Variants in DLG2 observed in about 807,000 individuals in gnomAD.
DLG2 encodes discs large MAGUK scaffold protein 2, also known as disks large homolog 2.
A neutral mutation model predicts 132.5 loss-of-function variants in DLG2; 45 were observed. That is an observed-to-expected ratio of 0.34 (90% CI 0.27 to 0.44). DLG2 has a LOEUF of 0.44. Ranked by LOEUF, DLG2 falls within the 20% of genes least tolerant of loss-of-function variation. DLG2 has a pLI of 1.00. For synonymous variants in DLG2, 424 were observed against 419.6 expected (o/e 1.01, Z -0.13); for missense variants, 1,045 against 1,196.9 (o/e 0.87, Z 1.87).
At chr11:84,894,687 T>C (rs987796790) in intron 6 of DLG2, among the ~76,000 whole-genome samples, 4 of 152,108 alleles carry the variant, frequency 2.6e-5, no homozygotes, top group African/African-American at 9.7e-5. Flanking sequence ...GGAGGCATTG[T>C]TGGGAGTTAG....
intron 11 of DLG2, among the ~76,000 whole-genome samples, chr11:84,017,993 T>C (rs1566058208): frequency 1.3e-5 from 2 of 152,002 alleles, no homozygotes; most frequent in Non-Finnish European, 2.9e-5. Flanking sequence ...TCATTGGTTT[T>C]CTGCAGTGTC....
intron 14 of DLG2, among the ~76,000 whole-genome samples, chr11:83,948,614 G>GA (rs3040355): frequency 0.068 from 10,032 of 148,166 alleles, 447 homozygotes; most frequent in East Asian, 0.15. Context: ...TGTAGTACTG[G>GA]AAAAAAAAAA....
At chr11:84,824,024 G>C (rs2078033766) in intron 6 of DLG2, among the ~76,000 whole-genome samples, 1 of 151,866 alleles carries the variant, frequency 6.6e-6, no homozygotes, top group Non-Finnish European at 1.5e-5. Flanking sequence ...TCTGTATAGA[G>C]GTTGGAACTA....
At chr11:85,573,073 G>T (rs999141307) in intron 3 of DLG2, among the ~76,000 whole-genome samples, 1 of 152,082 alleles carries the variant, frequency 6.6e-6, no homozygotes, top group Non-Finnish European at 1.5e-5. Context: ...TCCTGCTTTC[G>T]CCATGTGACA....
At chr11:84,812,282 C>T (rs2076640235) in intron 6 of DLG2, among the ~76,000 whole-genome samples, 1 of 152,148 alleles carries the variant, frequency 6.6e-6, no homozygotes, top group African/African-American at 2.4e-5. Context: ...CTGTAAAATA[C>T]TGGAATAATT....
chr11:85,163,935 T>C (rs1218633203), intron 4 of DLG2, among the ~76,000 whole-genome samples: 6 of 151,986 alleles, frequency 3.9e-5, no homozygotes, highest in Non-Finnish European at 7.4e-5. Flanking sequence ...TGCATGGGAG[T>C]CTCACAAAAA....
chr11:85,523,324 C>T (rs1024456442), intron 3 of DLG2, among the ~76,000 whole-genome samples: 14 of 152,134 alleles, frequency 9.2e-5, no homozygotes, highest in African/African-American at 3.4e-4. Flanking sequence ...GACTAATACT[C>T]TATCCATCTG....
intron 21 of DLG2, among the ~76,000 whole-genome samples, chr11:83,514,460 T>C (rs2095205743): frequency 6.6e-6 from 1 of 152,234 alleles, no homozygotes; most frequent in African/African-American, 2.4e-5. Flanking sequence ...AGATATACAA[T>C]CATGTCATCT....
chr11:84,693,322 T>C (rs1044531918), intron 6 of DLG2, among the ~76,000 whole-genome samples: 1 of 151,738 alleles, frequency 6.6e-6, no homozygotes, highest in Non-Finnish European at 1.5e-5. Flanking sequence ...TATTTAGATA[T>C]AGCCATGGTA....
chr11:85,139,489 AATTT>A (rs1167226698), intron 5 of DLG2, among the ~76,000 whole-genome samples: 10 of 152,216 alleles, frequency 6.6e-5, no homozygotes, highest in African/African-American at 2.4e-4. Context: ...ATTCAAAATT[AATTT>A]ATTTTGAAAT....
intron 15 of DLG2, among the ~76,000 whole-genome samples, chr11:83,928,935 T>C (rs1399217243): frequency 3.3e-5 from 5 of 152,204 alleles, no homozygotes; most frequent in African/African-American, 1.2e-4. Flanking sequence ...CTTACGGCTA[T>C]GGTGACTTTG....
At chr11:85,372,077 C>G (rs1276472908) in intron 3 of DLG2, among the ~76,000 whole-genome samples, 3 of 152,140 alleles carry the variant, frequency 2.0e-5, no homozygotes, top group African/African-American at 7.2e-5. Flanking sequence ...TTAGACTAAC[C>G]CTGCTTGTTC....
intron 3 of DLG2, among the ~76,000 whole-genome samples, chr11:85,357,238 TTGTG>T (rs71036472): frequency 0.088 from 10,346 of 118,026 alleles, 464 homozygotes; most frequent in East Asian, 0.2. Context: ...AATATCCTCT[TTGTG>T]TGTGTGTGTG....
intron 6 of DLG2, among the ~76,000 whole-genome samples, chr11:84,724,722 A>C (rs529629164): frequency 6.6e-6 from 1 of 152,344 alleles, no homozygotes; most frequent in East Asian, 1.9e-4. Flanking sequence ...TTGGTATACT[A>C]ATCAGCTAAA....
intron 10 of DLG2, among the ~76,000 whole-genome samples, chr11:84,064,949 A>G (rs2096648761): frequency 6.6e-6 from 1 of 152,236 alleles, no homozygotes; most frequent in Non-Finnish European, 1.5e-5. Context: ...AACAACATTG[A>G]CAAAAACAAG....
intron 6 of DLG2, among the ~76,000 whole-genome samples, chr11:85,016,654 C>T (rs2059602786): frequency 6.6e-6 from 1 of 152,136 alleles, no homozygotes; most frequent in African/African-American, 2.4e-5. Context: ...TAGTCAGTTT[C>T]CACACTCAGC....
intron 6 of DLG2, among the ~76,000 whole-genome samples, chr11:84,788,100 CA>C (rs139086655): frequency 0.28 from 12,292 of 43,896 alleles, 194 homozygotes; most frequent in Middle Eastern, 0.41. Context: ...GAATATGTCT[CA>C]AAAAAAAAAA....
At chr11:84,117,901 G>A (rs576264220) in intron 9 of DLG2, among the ~76,000 whole-genome samples, 1 of 152,156 alleles carries the variant, frequency 6.6e-6, no homozygotes, top group East Asian at 1.9e-4. Flanking sequence ...TGTTGCCCAG[G>A]CTGGAGTGCA....
chr11:85,546,812 C>A (rs1320827097), intron 3 of DLG2, among the ~76,000 whole-genome samples: 2 of 144,528 alleles, frequency 1.4e-5, no homozygotes, highest in East Asian at 2.0e-4. Flanking sequence ...TAGGATATAA[C>A]CCCTGCTTTT....
Sources: allele counts gnomAD v4.1 joint callset (sites outside exome capture counted in the v4.1 genomes callset), GRCh38; gene constraint gnomAD v4.1.1; transcripts MANE v1.5; gene names NCBI Gene and HGNC (gene_info 2026-07-23, HGNC 2026-07-21).